SLCO3A1: variants seen among roughly 807,000 people sequenced by gnomAD.
SLCO3A1 encodes PGE1 transporter.
In SLCO3A1, 27 loss-of-function variants were observed where a neutral mutation model predicts 63.1. The ratio of observed to expected loss-of-function variants is 0.43; its 90% CI spans 0.32 to 0.59. The LOEUF is 0.59. Ranked by LOEUF, SLCO3A1 falls within the 20% of genes least tolerant of loss-of-function variation. The pLI is 0.09. For missense variants in SLCO3A1, 773 were observed against 945.8 expected (o/e 0.82, Z 2.40); for synonymous variants, 473 against 409.9 (o/e 1.15, Z -1.86).
chr15:92,162,903 A>T lies in SLCO3A1; in HGVS notation c.1901A>T (p.Lys634Ile), dbSNP rs745978076. 6.2e-7 allele frequency: 1 copy of T among 1,614,198 alleles called. No homozygotes were observed. Among genetic ancestry groups the T allele is most frequent in the Non-Finnish European group, 8.5e-7 (1 of 1,180,026 alleles). Residue 634 changes from lysine to isoleucine, a missense_variant, in exon 10 of 10, where the codon AAA becomes ATA. Lys to Ile is a moderately radical substitution (Grantham distance 102). Around this residue, in one of 3 missense-constraint regions of SLCO3A1, gnomAD observed 139 missense variants for 131.4 expected, o/e 1.06. Transcript: ENST00000318445. ...YLYVSIAIAL[K>I]SFAFILYTTT... Reference sequence around the variant, plus strand: ...TATGTCAGCATCGCCATCGCGCTCAAATCCTTCGCCTTCATCCTGTACACC... The same window carrying T: ...TATGTCAGCATCGCCATCGCGCTCATATCCTTCGCCTTCATCCTGTACACC...
intron 2 of SLCO3A1, among the ~76,000 whole-genome samples, chr15:92,054,059 A>G (rs1435793610): frequency 6.6e-6 from 1 of 152,190 alleles, no homozygotes; most frequent in African/African-American, 2.4e-5. Flanking sequence ...CTGTCAGTAT[A>G]GACGCATGGA....
chr15:92,056,780 G>C (rs8040836), intron 2 of SLCO3A1, among the ~76,000 whole-genome samples: 22,695 of 152,118 alleles, frequency 0.15, 1,721 homozygotes, highest in African/African-American at 0.17. Context: ...CAGCAGCATG[G>C]GTAGGGTTTA....
intron 1 of SLCO3A1, among the ~76,000 whole-genome samples, chr15:91,891,568 A>G (rs1274672234): frequency 1.3e-5 from 2 of 152,120 alleles, no homozygotes; most frequent in Non-Finnish European, 2.9e-5. Flanking sequence ...CCTTGCATAA[A>G]CTTGAGGCTC....
intron 1 of SLCO3A1, among the ~76,000 whole-genome samples, chr15:91,911,806 TA>T (rs1277823457): frequency 6.6e-6 from 1 of 152,000 alleles, no homozygotes; most frequent in Non-Finnish European, 1.5e-5. Context: ...TTTGTATTTT[TA>T]GTAGAGATGG....
chr15:92,060,896 A>G (rs1158292007), intron 2 of SLCO3A1, among the ~76,000 whole-genome samples: 9 of 152,226 alleles, frequency 5.9e-5, no homozygotes, highest in Non-Finnish European at 1.5e-5. Flanking sequence ...CCTACCCAGA[A>G]TCAGGATCAT....
At chr15:91,921,723 CTT>C (rs10708454) in intron 2 of SLCO3A1, among the ~76,000 whole-genome samples, 64 of 144,982 alleles carry the variant, frequency 4.4e-4, no homozygotes, top group Admixed American at 9.7e-4. Flanking sequence ...TCAGATTTCT[CTT>C]TTTTTTTTTT....
At chr15:92,135,359 C>T (rs1454749543) in intron 7 of SLCO3A1, among the ~76,000 whole-genome samples, 4 of 152,292 alleles carry the variant, frequency 2.6e-5, no homozygotes, top group South Asian at 2.1e-4. Flanking sequence ...CTCAGGCTCA[C>T]GCGCCACAGG....
intron 2 of SLCO3A1, among the ~76,000 whole-genome samples, chr15:92,036,388 T>C (rs1431171513): frequency 6.6e-6 from 1 of 151,204 alleles, no homozygotes; most frequent in Non-Finnish European, 1.5e-5. Flanking sequence ...CTATCTGTGT[T>C]TGAGTTTTTC....
chr15:91,903,756 A>T (rs567384703), intron 1 of SLCO3A1, among the ~76,000 whole-genome samples: 110 of 152,312 alleles, frequency 7.2e-4, no homozygotes, highest in Non-Finnish European at 1.3e-3. Context: ...TGGCCATAAG[A>T]TGGTAGCCAT....
chr15:92,104,042 A>G (rs917083040), intron 3 of SLCO3A1, among the ~76,000 whole-genome samples: 14 of 152,226 alleles, frequency 9.2e-5, no homozygotes, highest in Non-Finnish European at 1.5e-4. Context: ...GTTTAGACCG[A>G]TATAAACACA....
intron 2 of SLCO3A1, among the ~76,000 whole-genome samples, chr15:91,929,925 T>C (rs926995455): frequency 2.0e-5 from 3 of 152,314 alleles, no homozygotes; most frequent in Admixed American, 1.3e-4. Flanking sequence ...AAACATATTT[T>C]GTTTGTCCAT....
chr15:91,931,982 C>T (rs1899251835), intron 2 of SLCO3A1, among the ~76,000 whole-genome samples: 1 of 152,126 alleles, frequency 6.6e-6, no homozygotes, highest in African/African-American at 2.4e-5. Context: ...AGATTAGGTT[C>T]AGTAGTTTGT....
intron 9 of SLCO3A1, chr15:92,157,266 A>G (rs2048382783): frequency 6.6e-6 from 1 of 152,178 alleles, no homozygotes; most frequent in South Asian, 2.1e-4. Context: ...AGATAAAAAA[A>G]AGAGAGAGAA....
intron 2 of SLCO3A1, among the ~76,000 whole-genome samples, chr15:92,044,584 C>T (rs531884562): frequency 1.3e-5 from 2 of 152,244 alleles, no homozygotes; most frequent in South Asian, 2.1e-4. Flanking sequence ...CTCCAGATCC[C>T]ATCACGGTCA....
At chr15:92,105,341 C>G (rs1222226068) in intron 4 of SLCO3A1, among the ~76,000 whole-genome samples, 3 of 152,138 alleles carry the variant, frequency 2.0e-5, no homozygotes, top group African/African-American at 7.2e-5. Flanking sequence ...ATTGTCTCCA[C>G]TAAAGATGAG....
intron 1 of SLCO3A1, among the ~76,000 whole-genome samples, chr15:91,914,026 G>T (rs1263043872): frequency 6.6e-6 from 1 of 152,072 alleles, no homozygotes; most frequent in African/African-American, 2.4e-5. Context: ...GCTGTTCTCC[G>T]GTGTTCACAG....
chr15:92,148,000 T>G (rs1420008998), intron 8 of SLCO3A1, among the ~76,000 whole-genome samples: 1 of 152,184 alleles, frequency 6.6e-6, no homozygotes, highest in East Asian at 1.9e-4. Flanking sequence ...GAGGATCGCT[T>G]GAGCCCAGGG....
intron 2 of SLCO3A1, among the ~76,000 whole-genome samples, chr15:91,931,823 T>TCA (rs1899246656): frequency 1.3e-5 from 1 of 77,848 alleles, no homozygotes; most frequent in Non-Finnish European, 2.8e-5. Context: ...ACACACACAC[T>TCA]CACACAGGAG....
At chr15:92,158,194 C>T (rs757217617) in intron 9 of SLCO3A1, among the ~76,000 whole-genome samples, 17 of 152,236 alleles carry the variant, frequency 1.1e-4, no homozygotes, top group Middle Eastern at 6.8e-3. Context: ...GAAGGGCTGC[C>T]CGCTTTGCAA....
Sources: allele counts gnomAD v4.1 joint callset (sites outside exome capture counted in the v4.1 genomes callset), GRCh38; gene constraint gnomAD v4.1.1; regional missense constraint gnomAD v4.1.1; transcripts MANE v1.5; gene names NCBI Gene and HGNC (gene_info 2026-07-23, HGNC 2026-07-21).